The following CDH12 variants were observed in gnomAD, a reference collection of about 807,000 sequenced individuals.
CDH12 encodes the protein cadherin 12, also known as cadherin-12.
CDH12 carries 41 observed loss-of-function variants against 74.1 expected under a neutral mutation model. The ratio of observed to expected loss-of-function variants is 0.55; its 90% CI spans 0.43 to 0.72. The LOEUF is 0.72. CDH12 is among the 30% of genes least tolerant of loss of function. The pLI is 0.00. For synonymous variants in CDH12, 399 were observed against 355.0 expected, an observed-to-expected ratio of 1.12 and a Z score of -1.39; for missense variants, 945 against 977.2, an observed-to-expected ratio of 0.97 and a Z score of 0.44.
At chr5:22,354,186 G>C (rs1001681369) in intron 3 of CDH12, among the ~76,000 whole-genome samples, 1 of 152,286 alleles carries the variant, frequency 6.6e-6, no homozygotes, top group South Asian at 2.1e-4. Context: ...TGGAAAGTAG[G>C]TGGGGAATAA....
intron 1 of CDH12, among the ~76,000 whole-genome samples, chr5:22,614,910 G>A (rs1264512992): frequency 6.6e-6 from 1 of 152,024 alleles, no homozygotes; most frequent in East Asian, 1.9e-4. Flanking sequence ...CGGTTACCAA[G>A]CAACTCATGG....
rs112928020 is a variant in CDH12, at chr5:22,312,087, C to T, written c.-333+93170G>A. ...TATTTCTAAAATGGCTTCCACACTA[C>T]GCTCGATTTAGAAGTAGATATACAA... On this transcript the variant is annotated intron_variant, in intron 3 of 14. Coordinates refer to ENST00000382254, the MANE Select transcript of CDH12 (RefSeq NM_004061.5). 7.3e-3 allele frequency among the ~76,000 whole-genome samples: 1,107 copies of T among 152,064 alleles called. 13 individuals are homozygous for T. In the South Asian group the frequency reaches 0.076, roughly 10 times the overall value.
chr5:21,759,887 T>G (rs930605644), intron 13 of CDH12, among the ~76,000 whole-genome samples: 1 of 152,036 alleles, frequency 6.6e-6, no homozygotes, highest in Non-Finnish European at 1.5e-5. Context: ...TTGTTTGAGT[T>G]CCTAAGTTCT....
chr5:21,946,529 A>G (rs1043415014), intron 6 of CDH12, among the ~76,000 whole-genome samples: 37 of 150,238 alleles, frequency 2.5e-4, no homozygotes, highest in Admixed American at 5.3e-4. Context: ...CACTTCACTC[A>G]AAGAGGTAAA....
At chr5:22,165,473 C>T (rs940618261) in intron 4 of CDH12, among the ~76,000 whole-genome samples, 3 of 145,278 alleles carry the variant, frequency 2.1e-5, no homozygotes, top group Non-Finnish European at 4.5e-5. Flanking sequence ...ATCCAGCCTC[C>T]CAACACACAT....
intron 11 of CDH12, among the ~76,000 whole-genome samples, chr5:21,773,865 TTTAAATGTTG>T (rs1745454091): frequency 6.6e-6 from 1 of 152,208 alleles, no homozygotes; most frequent in Non-Finnish European, 1.5e-5. Context: ...CATATCAGCA[TTTAAATGTTG>T]TTAACTTTAT....
intron 1 of CDH12, among the ~76,000 whole-genome samples, chr5:22,511,667 G>C (rs964385309): frequency 2.0e-5 from 3 of 152,172 alleles, no homozygotes; most frequent in Non-Finnish European, 2.9e-5. Context: ...CTGCTTTGAA[G>C]AACCATTTGG....
intron 5 of CDH12, among the ~76,000 whole-genome samples, chr5:22,044,016 G>A (rs1332269299): frequency 6.6e-6 from 1 of 152,036 alleles, no homozygotes; most frequent in Non-Finnish European, 1.5e-5. Context: ...CACTACCCAA[G>A]GTGATCCATA....
At chr5:21,831,017 C>T (rs528932203) in intron 8 of CDH12, among the ~76,000 whole-genome samples, 5 of 151,022 alleles carry the variant, frequency 3.3e-5, no homozygotes, top group Admixed American at 6.6e-5. Context: ...CAAGCCGGGG[C>T]GACAGAGAAA....
intron 5 of CDH12, among the ~76,000 whole-genome samples, chr5:21,992,835 C>G (rs1204769352): frequency 1.3e-5 from 2 of 152,026 alleles, no homozygotes; most frequent in Non-Finnish European, 2.9e-5. Flanking sequence ...TTTCACTCTG[C>G]TGTAAAGAAT....
At chr5:22,705,412 G>A (rs1055981875) in intron 1 of CDH12, among the ~76,000 whole-genome samples, 1 of 150,262 alleles carries the variant, frequency 6.7e-6, no homozygotes, top group Non-Finnish European at 1.5e-5. Flanking sequence ...TGGTAGTAAT[G>A]CAAACTGTCT....
intron 10 of CDH12, among the ~76,000 whole-genome samples, chr5:21,798,219 T>C (rs552078718): frequency 2.7e-5 from 4 of 150,644 alleles, no homozygotes; most frequent in Admixed American, 1.3e-4. Flanking sequence ...TTTTGGAGAA[T>C]ACCTAACAAA....
intron 6 of CDH12, among the ~76,000 whole-genome samples, chr5:21,896,953 C>T (rs1369079432): frequency 1.3e-5 from 2 of 152,060 alleles, no homozygotes; most frequent in South Asian, 4.1e-4. Context: ...TTTGAGGTTT[C>T]TGCTCTTTAT....
At chr5:22,707,880 A>G (rs1053951778) in intron 1 of CDH12, among the ~76,000 whole-genome samples, 1 of 152,150 alleles carries the variant, frequency 6.6e-6, no homozygotes, top group Non-Finnish European at 1.5e-5. Context: ...GGCAGGCACT[A>G]AACTAGCCTC....
intron 4 of CDH12, among the ~76,000 whole-genome samples, chr5:22,204,453 G>A (rs1446931211): frequency 6.6e-6 from 1 of 152,298 alleles, no homozygotes; most frequent in Non-Finnish European, 1.5e-5. Flanking sequence ...GAGCCACCGC[G>A]CCCAGCCCAA....
chr5:22,078,567 T>A lies in CDH12; in HGVS notation c.110A>T (p.Glu37Val). The A allele has an allele frequency of 6.2e-7, 1 of 1,613,936 alleles. No individual in the cohort carries two copies. The highest frequency in any genetic ancestry group is 8.5e-7 in the Non-Finnish European group (1 of 1,179,890). The change falls in exon 5 of 15, where the codon GAA (glutamate) becomes GTA (valine). Residue 37 changes from glutamate (E) to valine (V), a missense_variant. By Grantham distance (121) the Glu-to-Val change is moderately radical. Around this residue, in one of 3 missense-constraint regions of CDH12, gnomAD observed 148 missense variants for 162.8 expected, o/e 0.91. Coordinates refer to ENST00000382254, the MANE Select transcript of CDH12 (RefSeq NM_004061.5). ...TTGTCCTGGCAGATGGATAACATTT[T>A]CTCTTGGCTCTGTGGCTAAAGTCTG... ...PQQTLATEPR[E>V]NVIHLPGQRS...
intron 14 of CDH12, among the ~76,000 whole-genome samples, chr5:21,753,133 C>T (rs1007584924): frequency 6.6e-6 from 1 of 152,166 alleles, no homozygotes; most frequent in Admixed American, 6.5e-5. Flanking sequence ...TAACCCCTCT[C>T]CTCCATAGTG....
intron 3 of CDH12, among the ~76,000 whole-genome samples, chr5:22,382,139 TTTATATATTTATAATATATACTATTTTA>T (rs1741783908): frequency 1.4e-5 from 2 of 145,866 alleles, no homozygotes; most frequent in Non-Finnish European, 1.5e-5. Flanking sequence ...TATAAACATG[TTTATATATTTATAATATATACTATTTTA>T]TTATATATTT....
intron 1 of CDH12, among the ~76,000 whole-genome samples, chr5:22,517,299 T>C (rs1008303747): frequency 6.6e-6 from 1 of 152,110 alleles, no homozygotes; most frequent in Non-Finnish European, 1.5e-5. Context: ...TCAATACTTA[T>C]TTAATTAATA....
Sources: gnomAD v4.1 joint callset for allele counts (sites outside exome capture counted in the v4.1 genomes callset) on GRCh38, gnomAD v4.1.1 for gene constraint, gnomAD v4.1.1 regional missense constraint, MANE v1.5 for transcripts, NCBI Gene and HGNC (gene_info 2026-07-23, HGNC 2026-07-21) for gene names.